Variants in DOCK2 observed in about 807,000 individuals in gnomAD.
DOCK2 encodes dedicator of cytokinesis protein 2.
Under a neutral mutation model 248.9 loss-of-function variants are expected in DOCK2, and 87 were observed. That is an observed-to-expected ratio of 0.35 (90% CI 0.29 to 0.42). The LOEUF (loss-of-function observed/expected upper bound fraction) is 0.42. Ranked by LOEUF, DOCK2 falls within the 10% of genes least tolerant of loss-of-function variation. The pLI, the probability that DOCK2 is intolerant of heterozygous loss-of-function variation, is 1.00. For synonymous variants in DOCK2, 805 were observed against 821.6 expected (o/e 0.98, Z 0.35); for missense variants, 1,747 against 2,300.2 (o/e 0.76, Z 4.92).
At position 169,769,329 on chromosome 5, in the gene DOCK2, A is replaced by T. The variant is rs1013922933; in HGVS notation, c.2554+7704A>T. On this transcript the variant is annotated intron_variant, in intron 25 of 51. Transcript: ENST00000520908. ...CTTTGGGACTTTAGCCCCAGAGGGG[A>T]TGTTGGTACACACAAATTTTGTGGC... Among the ~76,000 whole-genome samples, 15 of 152,050 alleles carry T rather than the reference A, an allele frequency of 9.9e-5. No homozygotes were observed. The South Asian group carries it at 2.9e-3, about 29-fold the overall frequency.
chr5:169,877,592 T>C (rs1370785871), intron 27 of DOCK2, among the ~76,000 whole-genome samples: 1 of 152,206 alleles, frequency 6.6e-6, no homozygotes, highest in Non-Finnish European at 1.5e-5. Context: ...TTTGGGGATA[T>C]GACAAATTTG....
Position 170,080,205 on chromosome 5 carries a change from G to C in DOCK2, c.5209G>C (p.Glu1737Gln). The part of the protein sequence containing the change: ...HEFMSDTNLS[E>Q]HAAIPLKASV... Reference sequence around the variant, plus strand: ...GTTCATGAGTGACACCAACCTCTCGGAGCATGCGGCCATCCCCCTCAAGGC... The same window carrying C: ...GTTCATGAGTGACACCAACCTCTCGCAGCATGCGGCCATCCCCCTCAAGGC... The change falls in exon 50 of 52, where the codon GAG becomes CAG. Residue 1737 changes from glutamate to glutamine, a missense_variant. Coordinates refer to ENST00000520908, the MANE Select transcript of DOCK2 (RefSeq NM_004946.3). 6.2e-7 allele frequency: 1 copy of C among 1,614,070 alleles called. No homozygotes were observed. The highest frequency in any genetic ancestry group is 8.5e-7 in the Non-Finnish European group (1 of 1,180,008).
intron 46 of DOCK2, among the ~76,000 whole-genome samples, chr5:170,073,942 T>A (rs946199944): frequency 1.3e-5 from 2 of 152,160 alleles, no homozygotes; most frequent in African/African-American, 4.8e-5. Context: ...TTTATTCGTG[T>A]CCACTCTCAC....
rs549092839 is a variant in DOCK2 at position 169,755,470 on chromosome 5, C to T, written c.2377-4235C>T. Among the ~76,000 whole-genome samples the T allele has an allele frequency of 6.6e-5, 10 of 152,226 alleles. No individual in the cohort carries two copies. The South Asian group carries it at 1.5e-3, about 22-fold the overall frequency. Reference sequence around the variant, plus strand: ...GTAAAAATAATAGAACGGCTGGGCACGGTGGCTCCAGCCTGTAATCCCAGC... The same window carrying T: ...GTAAAAATAATAGAACGGCTGGGCATGGTGGCTCCAGCCTGTAATCCCAGC... On this transcript the variant is annotated intron_variant, in intron 23 of 51. Coordinates refer to ENST00000520908, the MANE Select transcript of DOCK2 (RefSeq NM_004946.3).
intron 38 of DOCK2, among the ~76,000 whole-genome samples, chr5:170,042,561 G>C (rs1756557139): frequency 6.6e-6 from 1 of 152,146 alleles, no homozygotes. Flanking sequence ...ATCCCTGCTG[G>C]GGTCCCTCTT....
chr5:169,857,603 C>T (rs1197113107), intron 27 of DOCK2, among the ~76,000 whole-genome samples: 2 of 152,094 alleles, frequency 1.3e-5, no homozygotes, highest in African/African-American at 4.8e-5. Flanking sequence ...TTACCAGTGG[C>T]AGACCCTAAT....
chr5:169,729,691 A>C (rs1762665760), intron 22 of DOCK2, among the ~76,000 whole-genome samples: 1 of 152,234 alleles, frequency 6.6e-6, no homozygotes, highest in South Asian at 2.1e-4. Flanking sequence ...AGAGAAATGA[A>C]TAAACCAAGT....
intron 1 of DOCK2, among the ~76,000 whole-genome samples, chr5:169,642,954 T>C (rs905523582): frequency 6.6e-5 from 10 of 152,218 alleles, no homozygotes; most frequent in Non-Finnish European, 1.5e-4. Context: ...TGTTTTTTTT[T>C]TCAATAGTCA....
At chr5:169,651,262 G>A (rs576066084) in intron 1 of DOCK2, among the ~76,000 whole-genome samples, 1 of 152,212 alleles carries the variant, frequency 6.6e-6, no homozygotes, top group Non-Finnish European at 1.5e-5. Context: ...CTTATGCAAA[G>A]GCAGAAATAG....
chr5:169,708,259 A>C lies in DOCK2; in HGVS notation c.1474A>C (p.Thr492Pro). Residue 492 changes from threonine to proline, a missense_variant, in exon 15 of 52, where the codon ACA becomes CCA. Physicochemically the swap from Thr to Pro is conservative, Grantham distance 38. This residue lies in a region of DOCK2 where 858 missense variants were observed against 1,183.5 expected (regional missense o/e 0.72). Coordinates refer to ENST00000520908, the MANE Select transcript of DOCK2 (RefSeq NM_004946.3). Reference protein sequence around the residue: ...YQVKQPRWMETVKVAVPIEDM... With the variant: ...YQVKQPRWMEPVKVAVPIEDM... ...AGTCAAACAGCCACGCTGGATGGAA[A>C]CAGTCAAGGTAATAATTAATAATAG... 1 of 1,613,646 alleles carries C rather than the reference A, an allele frequency of 6.2e-7. No individual in the cohort carries two copies. The highest frequency in any genetic ancestry group is 8.5e-7 in the Non-Finnish European group (1 of 1,179,840).
chr5:169,828,590 A>G (rs1423071877), intron 26 of DOCK2, among the ~76,000 whole-genome samples: 3 of 152,102 alleles, frequency 2.0e-5, no homozygotes, highest in Non-Finnish European at 2.9e-5. Flanking sequence ...GATTAAGGGT[A>G]TTTTCACTGT....
Position 170,055,515 on chromosome 5 carries a change from C to G in DOCK2, c.4295+129C>G, listed in dbSNP as rs941023000. 7 of 812,516 alleles carry G rather than the reference C, an allele frequency of 8.6e-6. No individual in the cohort carries two copies. The African/African-American group carries it at 1.2e-4, about 14-fold the overall frequency. 50.3% of individuals were successfully genotyped at this position (812,516 alleles called of 1,614,324 possible). A position where few individuals can be genotyped will look rare whatever the true frequency, so the allele number is the denominator to read the frequency against. ...TCTCTATCTTAGCCAGTTTTTCCCC[C>G]CTTTTCCTCTTGGGCAAAGAATCAC... On this transcript the variant is annotated intron_variant, in intron 42 of 51. Coordinates refer to ENST00000520908, the MANE Select transcript of DOCK2 (RefSeq NM_004946.3).
chr5:170,002,714 A>G (rs900208259), intron 30 of DOCK2, among the ~76,000 whole-genome samples: 9 of 152,186 alleles, frequency 5.9e-5, no homozygotes, highest in African/African-American at 2.2e-4. Flanking sequence ...CCTCTGTGCA[A>G]TATGGTAGTC....
chr5:169,661,091 C>T (rs1391563368), intron 2 of DOCK2, among the ~76,000 whole-genome samples: 2 of 152,070 alleles, frequency 1.3e-5, no homozygotes, highest in Non-Finnish European at 2.9e-5. Flanking sequence ...TATCTACTAA[C>T]TCTTTTGGAC....
chr5:170,026,027 CTCCTTCAATAAGTCT>C (rs1755903249), intron 33 of DOCK2, among the ~76,000 whole-genome samples: 1 of 151,966 alleles, frequency 6.6e-6, no homozygotes, highest in Non-Finnish European at 1.5e-5. Context: ...CCCGGTATAT[CTCCTTCAATAAGTCT>C]TCCCCAACTG....
At chr5:169,643,803 C>T (rs973771922) in intron 1 of DOCK2, among the ~76,000 whole-genome samples, 9 of 152,170 alleles carry the variant, frequency 5.9e-5, no homozygotes, top group South Asian at 2.1e-4. Flanking sequence ...CACACTGTCA[C>T]GGCACAGGGT....
At chr5:169,859,440 G>A (rs1208318906) in intron 27 of DOCK2, among the ~76,000 whole-genome samples, 1 of 152,236 alleles carries the variant, frequency 6.6e-6, no homozygotes, top group Non-Finnish European at 1.5e-5. Context: ...ATTAGGATTT[G>A]TCCCCCGCAC....
In DOCK2 at chr5:169,946,561, CCATT is replaced by C. The variant is rs144258254; in HGVS notation, c.2800-36484_2800-36481del. Among the ~76,000 whole-genome samples, 1,490 of 152,194 alleles carry C rather than the reference CCATT, an allele frequency of 9.8e-3. 9 individuals are homozygous for C. The highest frequency in any genetic ancestry group is 0.034 in the Middle Eastern group (10 of 294). On this transcript the variant is annotated intron_variant, in intron 27 of 51. Coordinates refer to ENST00000520908, the MANE Select transcript of DOCK2 (RefSeq NM_004946.3). ...TGGGGGATCTGGCATAGTCACTCAT[CCATT>C]CATTCATTCATTCATTCATTCACTT...
chr5:170,055,478 T>C (rs948609310), intron 42 of DOCK2, 92 bp downstream of exon 42: 31 of 1,170,892 alleles, frequency 2.6e-5, no homozygotes, highest in Non-Finnish European at 3.4e-5. Flanking sequence ...CCCCAGTGTC[T>C]TTCTAGTTCC....
Sources: allele counts gnomAD v4.1 joint callset (sites outside exome capture counted in the v4.1 genomes callset), GRCh38; gene constraint gnomAD v4.1.1; regional missense constraint gnomAD v4.1.1; transcripts MANE v1.5; gene names NCBI Gene and HGNC (gene_info 2026-07-23, HGNC 2026-07-21).